Variants in TAFA5 observed in about 807,000 individuals in gnomAD.
The protein encoded by TAFA5 is TAFA chemokine like family member 5, also known as chemokine-like protein TAFA-5.
In TAFA5, 6 loss-of-function variants were observed where a neutral mutation model predicts 15.3. The ratio of observed to expected loss-of-function variants is 0.39; its 90% CI spans 0.21 to 0.77. The LOEUF is 0.77. Ranked by LOEUF, TAFA5 falls within the 30% of genes least tolerant of loss-of-function variation. The probability of loss-of-function intolerance (pLI) is 0.41; values close to 1 mark genes in which losing one functional copy is unlikely to be tolerated. For synonymous variants in TAFA5, 103 were observed against 80.7 expected (o/e 1.28, Z -1.48); for missense variants, 161 against 193.1 (o/e 0.83, Z 0.98).
intron 2 of TAFA5, among the ~76,000 whole-genome samples, chr22:48,706,189 G>C (rs1172350537): frequency 6.6e-6 from 1 of 152,224 alleles, no homozygotes; most frequent in East Asian, 1.9e-4. Flanking sequence ...TCTGCATCCT[G>C]GGGCCAGTGG....
intron 3 of TAFA5, among the ~76,000 whole-genome samples, chr22:48,747,608 G>A (rs918546692): frequency 7.2e-5 from 11 of 152,122 alleles, no homozygotes; most frequent in East Asian, 1.9e-4. Context: ...TCAGGACAGC[G>A]TGTTCTGGCC....
At chr22:48,671,182 C>G (rs1231374417) in intron 2 of TAFA5, among the ~76,000 whole-genome samples, 1 of 152,166 alleles carries the variant, frequency 6.6e-6, no homozygotes, top group African/African-American at 2.4e-5. Context: ...CGGCTGAGTT[C>G]TCACCCTGCT....
At chr22:48,664,193 T>G (rs575409318) in intron 2 of TAFA5, among the ~76,000 whole-genome samples, 2 of 152,284 alleles carry the variant, frequency 1.3e-5, no homozygotes, top group South Asian at 4.1e-4. Flanking sequence ...GCAGCTGGGT[T>G]TGGTACTCTC....
chr22:48,571,271 C>CTTTTTTTTTTTT (rs869050468), intron 1 of TAFA5, among the ~76,000 whole-genome samples: 1 of 97,712 alleles, frequency 1.0e-5, no homozygotes, highest in Non-Finnish European at 2.0e-5. Context: ...TTGTTGTTTG[C>CTTTTTTTTTTTT]TTTTTTTTTT....
chr22:48,534,665 C>T (rs1181525564), intron 1 of TAFA5, among the ~76,000 whole-genome samples: 6 of 152,248 alleles, frequency 3.9e-5, no homozygotes, highest in African/African-American at 1.2e-4. Context: ...GGCCGCCCTG[C>T]GGGGGTGTGG....
intron 1 of TAFA5, among the ~76,000 whole-genome samples, chr22:48,645,327 C>T (rs1926824354): frequency 6.6e-6 from 1 of 152,096 alleles, no homozygotes; most frequent in Non-Finnish European, 1.5e-5. Context: ...TTGGTGGTGG[C>T]CATGCTGCGT....
intron 1 of TAFA5, among the ~76,000 whole-genome samples, chr22:48,640,916 G>A (rs1405561130): frequency 1.1e-4 from 15 of 137,918 alleles, no homozygotes; most frequent in African/African-American, 4.3e-4. Flanking sequence ...GTTGGTGGGG[G>A]TCTGCCCTAC....
In TAFA5 at chr22:48,742,631, C is replaced by T. The variant is rs931532844; in HGVS notation, c.391-7208C>T. Among the ~76,000 whole-genome samples the T allele has an allele frequency of 4.6e-5, 7 of 151,796 alleles. No individual in the cohort carries two copies. Among genetic ancestry groups the T allele is most frequent in the Admixed American group, 2.6e-4 (4 of 15,242 alleles). On this transcript the variant is annotated intron_variant, in intron 3 of 3. Coordinates refer to ENST00000402357, the MANE Select transcript of TAFA5 (RefSeq NM_001082967.3). The surrounding 1 kb of genome is among the most constrained non-coding windows in gnomAD (Gnocchi z 6.2). ...CCGGGCCGCATGGTGGACCAGGCAA[C>T]GTGGTAGACCGGGCCGCATGGTGGA...
rs376389587 is a variant in TAFA5, at chr22:48,638,051, A to T, written c.113-8546A>T. ...GCGGCCAGGGTATTAGAAACCACAC[A>T]CCTTGAGATTCTCAGTGGCGAAGAG... is the stretch of plus-strand genomic sequence containing the variant. On this transcript the variant is annotated intron_variant, in intron 1 of 3. Transcript: ENST00000402357. Among the ~76,000 whole-genome samples, 9 of 151,886 alleles carry T rather than the reference A, an allele frequency of 5.9e-5. No homozygotes were observed. The East Asian group carries it at 1.6e-3, about 26-fold the overall frequency.
intron 1 of TAFA5, among the ~76,000 whole-genome samples, chr22:48,610,833 G>T (rs1344532429): frequency 1.3e-5 from 2 of 152,182 alleles, no homozygotes; most frequent in African/African-American, 2.4e-5. Flanking sequence ...CCCTTCGTCT[G>T]CTTCCCCCTC....
chr22:48,493,130 G>T (rs1928213421), intron 1 of TAFA5, among the ~76,000 whole-genome samples: 1 of 152,210 alleles, frequency 6.6e-6, no homozygotes. Context: ...CACTGACTCG[G>T]TCCTTGTGTG....
chr22:48,673,814 C>A (rs2147223856), intron 2 of TAFA5, among the ~76,000 whole-genome samples: 1 of 152,298 alleles, frequency 6.6e-6, no homozygotes, highest in East Asian at 1.9e-4. Flanking sequence ...GAGACACCGC[C>A]TGCTGACCTG....
At chr22:48,688,566 C>T (rs990747895) in intron 2 of TAFA5, among the ~76,000 whole-genome samples, 1 of 152,200 alleles carries the variant, frequency 6.6e-6, no homozygotes, top group African/African-American at 2.4e-5. Flanking sequence ...CTTAACTCCC[C>T]CTGGCTGCTC....
intron 1 of TAFA5, among the ~76,000 whole-genome samples, chr22:48,551,633 G>A (rs1371023158): frequency 3.3e-5 from 5 of 152,180 alleles, no homozygotes; most frequent in Admixed American, 3.3e-4. Context: ...TGAGGGGCCT[G>A]TGACGATGTG....
chr22:48,621,628 G>A (rs975923109), intron 1 of TAFA5, among the ~76,000 whole-genome samples: 4 of 152,206 alleles, frequency 2.6e-5, no homozygotes, highest in Non-Finnish European at 4.4e-5. Context: ...CACTGAGTCC[G>A]GCTGTGGCCG....
At chr22:48,722,095 G>C (rs1034132014) in intron 3 of TAFA5, among the ~76,000 whole-genome samples, 1 of 152,134 alleles carries the variant, frequency 6.6e-6, no homozygotes, top group Admixed American at 6.5e-5. Flanking sequence ...TCTAGTTCTA[G>C]ATCCTTGAGG....
chr22:48,619,052 G>A (rs1265390873), intron 1 of TAFA5, among the ~76,000 whole-genome samples: 4 of 152,216 alleles, frequency 2.6e-5, no homozygotes, highest in South Asian at 4.1e-4. Context: ...GGATAAACAC[G>A]TCAGCTGTTC....
intron 2 of TAFA5, among the ~76,000 whole-genome samples, chr22:48,694,816 G>C (rs2337315): frequency 0.34 from 14,369 of 42,428 alleles, 1,882 homozygotes; most frequent in East Asian, 0.45. Context: ...GCCCCCACCC[G>C]CCGCCGCTCC....
intron 1 of TAFA5, among the ~76,000 whole-genome samples, chr22:48,634,739 TCTCA>T (rs976571962): frequency 1.6e-4 from 22 of 140,086 alleles, no homozygotes; most frequent in East Asian, 2.2e-4. Context: ...TCATTCACTC[TCTCA>T]CTCATTCATT....
Sources: gnomAD v4.1 joint callset for allele counts (sites outside exome capture counted in the v4.1 genomes callset) on GRCh38, gnomAD v4.1.1 for gene constraint, Gnocchi (gnomAD v3.1) non-coding constraint, MANE v1.5 for transcripts, NCBI Gene and HGNC (gene_info 2026-07-23, HGNC 2026-07-21) for gene names.